IGFL2: variants seen among roughly 807,000 people sequenced by gnomAD.
IGFL2 encodes insulin growth factor-like family member 2.
Under a neutral mutation model 13.9 loss-of-function variants are expected in IGFL2, and 7 were observed. The observed-to-expected ratio is 0.51, with a 90% CI of 0.29 to 0.95. IGFL2 has a LOEUF of 0.95. IGFL2 is among the 40% of genes least tolerant of loss of function. The pLI is 0.08. For synonymous variants in IGFL2, 55 were observed against 55.8 expected (o/e 0.99, Z 0.07); for missense variants, 138 against 147.8 (o/e 0.93, Z 0.34).
the IGFL2 span, among the ~76,000 whole-genome samples, chr19:46,099,440 C>T: frequency 7.3e-5 from 11 of 151,404 alleles, no homozygotes; most frequent in East Asian, 1.9e-4. Flanking sequence ...CCTTTCTCCC[C>T]ATCTCTTTCA....
chr19:46,086,467 G>A, the IGFL2 span, among the ~76,000 whole-genome samples: 1 of 152,128 alleles, frequency 6.6e-6, no homozygotes, highest in African/African-American at 2.4e-5. Context: ...GGAATTACAG[G>A]TGCGCACCAC....
At chr19:46,207,547 A>G in the IGFL2 span, 1 of 152,182 alleles carries the variant, frequency 6.6e-6, no homozygotes. Context: ...ATGCCCAGCT[A>G]ATTTTTGTAT....
At chr19:46,203,128 A>G in the IGFL2 span, 1 of 152,214 alleles carries the variant, frequency 6.6e-6, no homozygotes, top group Admixed American at 6.5e-5. Context: ...TTGGGTAGGT[A>G]GTGGAAAATT....
the IGFL2 span, among the ~76,000 whole-genome samples, chr19:46,088,113 G>A: frequency 2.0e-5 from 3 of 152,172 alleles, no homozygotes; most frequent in Non-Finnish European, 4.4e-5. Flanking sequence ...GGCTCGGCAG[G>A]CCACTTCACT....
chr19:46,079,193 C>T, the IGFL2 span, among the ~76,000 whole-genome samples: 4 of 152,272 alleles, frequency 2.6e-5, no homozygotes, highest in African/African-American at 7.2e-5. Context: ...GTCGCAGTAA[C>T]TGCCTTGGTG....
At chr19:46,095,782 T>C in the IGFL2 span, among the ~76,000 whole-genome samples, 3 of 152,204 alleles carry the variant, frequency 2.0e-5, no homozygotes, top group Non-Finnish European at 4.4e-5. Context: ...ATTTATTAAA[T>C]AGGGAATCCT....
At chr19:46,123,912 T>C in the IGFL2 span, 3 of 1,610,932 alleles carry the variant, frequency 1.9e-6, no homozygotes, top group Non-Finnish European at 2.5e-6. Flanking sequence ...AGATGGGAGA[T>C]AAGTGACACT....
At chr19:46,177,175 T>G in the IGFL2 span, among the ~76,000 whole-genome samples, 1 of 151,874 alleles carries the variant, frequency 6.6e-6, no homozygotes, top group Non-Finnish European at 1.5e-5. Flanking sequence ...GGTGGCAGGA[T>G]TGCTTGAGGT....
the IGFL2 span, among the ~76,000 whole-genome samples, chr19:46,087,487 G>C: frequency 6.6e-6 from 1 of 152,234 alleles, no homozygotes; most frequent in African/African-American, 2.4e-5. Context: ...CAGGCCCCCA[G>C]ATGATGTATG....
chr19:46,145,598 ATATGTG>A (rs1436040633), upstream of IGFL2, among the ~76,000 whole-genome samples: 77 of 138,460 alleles, frequency 5.6e-4, no homozygotes, highest in African/African-American at 1.4e-3. Flanking sequence ...ACACTCATAT[ATATGTG>A]TGTGTGTGTG....
At chr19:46,196,261 G>A in the IGFL2 span, 29 of 257,254 alleles carry the variant, frequency 1.1e-4, no homozygotes, top group Non-Finnish European at 1.4e-4. Context: ...CCACATCTTG[G>A]GTAAGGAGGA....
chr19:46,108,588 G>A, the IGFL2 span, among the ~76,000 whole-genome samples: 1 of 152,196 alleles, frequency 6.6e-6, no homozygotes, highest in Non-Finnish European at 1.5e-5. Flanking sequence ...AGAGAAAAGA[G>A]AGGGTAGAGA....
chr19:46,188,554 C>G, the IGFL2 span, among the ~76,000 whole-genome samples: 3 of 152,206 alleles, frequency 2.0e-5, no homozygotes, highest in Non-Finnish European at 4.4e-5. Context: ...GTTCCTCTCT[C>G]TATACTGAGG....
the IGFL2 span, among the ~76,000 whole-genome samples, chr19:46,176,789 C>T: frequency 2.6e-5 from 4 of 152,204 alleles, no homozygotes; most frequent in Non-Finnish European, 5.9e-5. Flanking sequence ...ACACTCCCCC[C>T]AGCCTGTTGC....
chr19:46,159,724 A>G lies in IGFL2; in HGVS notation c.20-691A>G, dbSNP rs183450002. ...TTTTTTCCATTTCCTTTATCTCTCA[A>G]CCTTCACCCACAGTCATGGTGTCAG... On this transcript the variant is annotated intron_variant, in intron 1 of 3. Coordinates refer to ENST00000377693, the MANE Select transcript of IGFL2 (RefSeq NM_001135113.2). 4.6e-5 allele frequency: 7 copies of G among 152,258 alleles called. No homozygotes were observed. In the East Asian group the frequency reaches 1.3e-3, roughly 29 times the overall value. The allele number at this position is 152,258 out of a possible 1,614,324, so 9.4% of individuals were successfully genotyped here. A position where few individuals can be genotyped will look rare whatever the true frequency, so the allele number is the denominator to read the frequency against.
the IGFL2 span, among the ~76,000 whole-genome samples, chr19:46,175,252 A>G: frequency 6.6e-6 from 1 of 152,200 alleles, no homozygotes; most frequent in African/African-American, 2.4e-5. Flanking sequence ...ATCTGTTAAT[A>G]CTAATTCCTA....
At chr19:46,129,310 TGTGTGTG>T in the IGFL2 span, among the ~76,000 whole-genome samples, 7 of 50,726 alleles carry the variant, frequency 1.4e-4, no homozygotes, top group African/African-American at 4.6e-4. Context: ...TGATCTTTTG[TGTGTGTG>T]TGTGTGTGTG....
At chr19:46,185,884 C>T in the IGFL2 span, among the ~76,000 whole-genome samples, 1 of 152,118 alleles carries the variant, frequency 6.6e-6, no homozygotes, top group Admixed American at 6.5e-5. Context: ...GCCAGGCAGG[C>T]AGTCCTATGA....
At chr19:46,086,323 C>G in the IGFL2 span, among the ~76,000 whole-genome samples, 1 of 151,538 alleles carries the variant, frequency 6.6e-6, no homozygotes, top group African/African-American at 2.4e-5. Flanking sequence ...TCATAAATTC[C>G]TTTTTTTTCT....
Sources: gnomAD v4.1 joint callset for allele counts (sites outside exome capture counted in the v4.1 genomes callset) on GRCh38, gnomAD v4.1.1 for gene constraint, MANE v1.5 for transcripts, NCBI Gene and HGNC (gene_info 2026-07-23, HGNC 2026-07-21) for gene names.